Variants in SUSD3 observed in about 807,000 individuals in gnomAD.
The protein encoded by SUSD3 is sushi domain containing 3, also known as sushi domain-containing protein 3.
SUSD3 carries 18 observed loss-of-function variants against 20.6 expected under a neutral mutation model. The observed-to-expected ratio is 0.87, with a 90% CI of 0.60 to 1.30. The LOEUF is 1.30. SUSD3 is among the 50% of genes most tolerant of loss of function. The pLI is 0.00. For missense variants in SUSD3, 306 were observed against 346.9 expected, an observed-to-expected ratio of 0.88 and a Z score of 0.94; for synonymous variants, 137 against 141.5, an observed-to-expected ratio of 0.97 and a Z score of 0.23.
At chr9:93,059,220 G>C (rs74771220) in intron 1 of SUSD3, among the ~76,000 whole-genome samples, 16,940 of 152,190 alleles carry the variant, frequency 0.11, 1,126 homozygotes, top group South Asian at 0.18. Flanking sequence ...GGGGCGGGAG[G>C]GGGGAGCCGG....
intron 1 of SUSD3, 48 bp from the exon 2 acceptor site, chr9:93,075,736 G>GTCCCCCCCCCCC: frequency 1.5e-5 from 4 of 272,216 alleles, no homozygotes; most frequent in South Asian, 2.9e-5. Flanking sequence ...TGCCCTGCGT[G>GTCCCCCCCCCCC]CCCACCCCCC....
chr9:93,069,404 G>A (rs184058485), intron 1 of SUSD3, among the ~76,000 whole-genome samples: 9 of 152,236 alleles, frequency 5.9e-5, no homozygotes, highest in Non-Finnish European at 1.3e-4. Flanking sequence ...GGATAAGGAC[G>A]GACTACCATA....
intron 1 of SUSD3, among the ~76,000 whole-genome samples, chr9:93,060,324 C>T (rs916276787): frequency 6.6e-6 from 1 of 152,104 alleles, no homozygotes; most frequent in Non-Finnish European, 1.5e-5. Context: ...GCCTCAGTTT[C>T]CCCATGTGCC....
chr9:93,081,087 G>A (rs1826394261), intron 4 of SUSD3, among the ~76,000 whole-genome samples: 1 of 152,022 alleles, frequency 6.6e-6, no homozygotes, highest in South Asian at 2.1e-4. Flanking sequence ...ACTTTTTGTG[G>A]GCTCCAGTTC....
At chr9:93,075,731 T>TGGGGGGGGGGGG in intron 1 of SUSD3, 53 bp from the exon 2 acceptor site, 4 of 398,890 alleles carry the variant, frequency 1.0e-5, no homozygotes, top group East Asian at 9.6e-5. Context: ...AGCCCTGCCC[T>TGGGGGGGGGGGG]GCGTGCCCAC....
chr9:93,071,438 T>A (rs979143450), intron 1 of SUSD3, among the ~76,000 whole-genome samples: 3 of 152,220 alleles, frequency 2.0e-5, no homozygotes, highest in African/African-American at 7.2e-5. Context: ...GCATCCAGCA[T>A]GGGAGAAAGA....
At chr9:93,067,521 C>T (rs79812516) in intron 1 of SUSD3, among the ~76,000 whole-genome samples, 2,418 of 152,178 alleles carry the variant, frequency 0.016, 63 homozygotes, top group African/African-American at 0.055. Context: ...AAAGCTGTTG[C>T]ACCATTCTGT....
At chr9:93,059,346 C>T (rs1825416894) in intron 1 of SUSD3, among the ~76,000 whole-genome samples, 1 of 152,188 alleles carries the variant, frequency 6.6e-6, no homozygotes, top group African/African-American at 2.4e-5. Flanking sequence ...TGTCCGAGGT[C>T]ACCCTGTAGC....
At chr9:93,084,087 G>A (rs1490082753) in intron 4 of SUSD3, among the ~76,000 whole-genome samples, 1 of 152,114 alleles carries the variant, frequency 6.6e-6, no homozygotes, top group Non-Finnish European at 1.5e-5. Context: ...GAGCAGGTGG[G>A]TGATCCAGCT....
At chr9:93,076,176 G>A (rs567446681) in intron 2 of SUSD3, among the ~76,000 whole-genome samples, 1 of 152,282 alleles carries the variant, frequency 6.6e-6, no homozygotes, top group Admixed American at 6.5e-5. Context: ...TGCCATGTTG[G>A]CAGCACGGAC....
chr9:93,080,298 G>A (rs191297032), intron 4 of SUSD3, among the ~76,000 whole-genome samples: 4 of 128,598 alleles, frequency 3.1e-5, no homozygotes, highest in Admixed American at 9.8e-5. Context: ...CAGCCTGGGC[G>A]ACAGAGCGAG....
chr9:93,062,253 C>T lies in SUSD3; in HGVS notation c.88+3423C>T, dbSNP rs573348576. 2.4e-4 allele frequency among the ~76,000 whole-genome samples: 36 copies of T among 152,370 alleles called. 1 individual carries two copies. The highest frequency in any genetic ancestry group is 8.4e-4 in the African/African-American group (35 of 41,590). On this transcript the variant is annotated intron_variant, in intron 1 of 4. Coordinates refer to ENST00000375472, the MANE Select transcript of SUSD3 (RefSeq NM_145006.4). ...TGGCCCTGAGGTACCCATTGGTCCT[C>T]TCCACCTGCCCCTGAGCCGTGGGAG...
intron 1 of SUSD3, among the ~76,000 whole-genome samples, chr9:93,071,127 C>T (rs921269610): frequency 4.6e-5 from 7 of 152,320 alleles, no homozygotes; most frequent in Non-Finnish European, 5.9e-5. Flanking sequence ...TGTCTACCAT[C>T]TTTGCTCCCT....
chr9:93,074,554 C>A (rs896893554), intron 1 of SUSD3, among the ~76,000 whole-genome samples: 1 of 150,364 alleles, frequency 6.7e-6, no homozygotes, highest in Non-Finnish European at 1.5e-5. Flanking sequence ...TTGTTTCAGC[C>A]TTTCACTATT....
chr9:93,067,802 TG>T (rs1825773641), intron 1 of SUSD3, among the ~76,000 whole-genome samples: 2 of 152,140 alleles, frequency 1.3e-5, no homozygotes, highest in Admixed American at 1.3e-4. Context: ...TTCACCCTGT[TG>T]GCCAGGGTGG....
chr9:93,065,871 C>A (rs1587899070), intron 1 of SUSD3, among the ~76,000 whole-genome samples: 1 of 152,244 alleles, frequency 6.6e-6, no homozygotes, highest in Non-Finnish European at 1.5e-5. Flanking sequence ...GAGAGCCCAA[C>A]CCTGGAGACA....
In SUSD3 at chr9:93,065,696, C is replaced by T. The variant is rs552611216; in HGVS notation, c.88+6866C>T. Among the ~76,000 whole-genome samples the T allele has an allele frequency of 4.3e-4, 65 of 152,360 alleles. No individual in the cohort carries two copies. In the South Asian group the frequency reaches 0.013, roughly 31 times the overall value. On this transcript the variant is annotated intron_variant, in intron 1 of 4. Coordinates refer to ENST00000375472, the MANE Select transcript of SUSD3 (RefSeq NM_145006.4). ...CCAGAAGGACAGTGCATATACAGAT[C>T]CCAAGATCCTGAAAAAGCAAAGTGG...
At chr9:93,075,116 C>T (rs902538762) in intron 1 of SUSD3, among the ~76,000 whole-genome samples, 1 of 152,140 alleles carries the variant, frequency 6.6e-6, no homozygotes, top group African/African-American at 2.4e-5. Flanking sequence ...TCAACATTTC[C>T]TCAATTGCCT....
chr9:93,065,395 A>C (rs565498150), intron 1 of SUSD3, among the ~76,000 whole-genome samples: 2 of 152,304 alleles, frequency 1.3e-5, no homozygotes, highest in African/African-American at 4.8e-5. Flanking sequence ...CAGACACTCA[A>C]CCAGGCGCTG....
Sources: allele counts gnomAD v4.1 joint callset (sites outside exome capture counted in the v4.1 genomes callset), GRCh38; gene constraint gnomAD v4.1.1; transcripts MANE v1.5; gene names NCBI Gene and HGNC (gene_info 2026-07-23, HGNC 2026-07-21).